CAPZB: variants seen among roughly 807,000 people sequenced by gnomAD.
CAPZB encodes the protein F-actin-capping protein subunit beta.
In CAPZB, 2 loss-of-function variants were observed where a neutral mutation model predicts 38.1. The observed-to-expected ratio is 0.05, with a 90% CI of 0.02 to 0.17. The LOEUF is 0.17. Among genes scored for constraint, CAPZB ranks in the 10% least tolerant of loss-of-function variants. The pLI, the probability that CAPZB is intolerant of heterozygous loss-of-function variation, is 1.00. For synonymous variants in CAPZB, 107 were observed against 127.4 expected (o/e 0.84, Z 1.08); for missense variants, 161 against 334.2 (o/e 0.48, Z 4.04).
At chr1:19,480,844 G>T (rs1000194079) in intron 1 of CAPZB, among the ~76,000 whole-genome samples, 1 of 152,208 alleles carries the variant, frequency 6.6e-6, no homozygotes, top group South Asian at 2.1e-4. Context: ...AGCAGCCATC[G>T]GCAGGCAGTA....
intron 2 of CAPZB, among the ~76,000 whole-genome samples, chr1:19,397,512 T>C (rs2094278115): frequency 6.6e-6 from 1 of 152,204 alleles, no homozygotes; most frequent in African/African-American, 2.4e-5. Context: ...GTGAGTAACC[T>C]AGCAGGCAAA....
At chr1:19,460,574 CTTTTTTTTTTT>C (rs35288971) in intron 1 of CAPZB, among the ~76,000 whole-genome samples, 1 of 90,982 alleles carries the variant, frequency 1.1e-5, no homozygotes. Flanking sequence ...TGTGCCCAGG[CTTTTTTTTTTT>C]TTTTTTTTTT....
chr1:19,357,432 A>G lies in CAPZB; in HGVS notation c.461T>C (p.Val154Ala). 6.2e-7 allele frequency: 1 copy of G among 1,613,772 alleles called. No individual in the cohort carries two copies. Among genetic ancestry groups the G allele is most frequent in the Non-Finnish European group, 8.5e-7 (1 of 1,179,952 alleles). Residue 154 changes from valine to alanine, a missense_variant, in exon 5 of 9, where the codon GTA becomes GCA. Physicochemically the swap from Val to Ala is moderately conservative, Grantham distance 64. Transcript: ENST00000264202. This position sits in a 1 kb window ranked among gnomAD's most constrained non-coding sequence, Gnocchi z 4.3. ...GCTGGGAGGCAGTACCTGCACTTCT[A>G]CCACGTGGATGGAATCCCAGCAGCC... ...IKGCWDSIHV[V>A]EVQEKSSGRT...
At chr1:19,347,484 G>GC (rs981052465) in intron 6 of CAPZB, among the ~76,000 whole-genome samples, 1 of 152,130 alleles carries the variant, frequency 6.6e-6, no homozygotes, top group Non-Finnish European at 1.5e-5. Flanking sequence ...CATTTCCACA[G>GC]CCCCCCACCC....
Position 19,474,290 on chromosome 1 carries a change from G to A in CAPZB, c.3+11146C>T, listed in dbSNP as rs143828179. 2.1e-3 allele frequency among the ~76,000 whole-genome samples: 321 copies of A among 152,174 alleles called. 2 individuals are homozygous for A. Among genetic ancestry groups the A allele is most frequent in the African/African-American group, 6.4e-3 (265 of 41,504 alleles). On this transcript the variant is annotated intron_variant, in intron 1 of 8. Coordinates refer to ENST00000264202, the MANE Select transcript of CAPZB (RefSeq NM_004930.5). ...GATTACAGGTGTGAACTACCTCACC[G>A]GGCCCTATTTACAGTATTCTTACTT...
At chr1:19,376,712 T>C (rs2094146402) in intron 4 of CAPZB, among the ~76,000 whole-genome samples, 1 of 152,210 alleles carries the variant, frequency 6.6e-6, no homozygotes, top group Non-Finnish European at 1.5e-5. Flanking sequence ...CACTGTTTGT[T>C]TTTCCACAAT....
intron 1 of CAPZB, among the ~76,000 whole-genome samples, chr1:19,432,208 C>T (rs995593197): frequency 6.6e-6 from 1 of 151,162 alleles, no homozygotes; most frequent in South Asian, 2.1e-4. Flanking sequence ...TTTGGGAGGT[C>T]GAGGTAGGCA....
chr1:19,369,941 G>A (rs949262390), intron 4 of CAPZB, among the ~76,000 whole-genome samples: 4 of 152,316 alleles, frequency 2.6e-5, no homozygotes, highest in Admixed American at 2.6e-4. Flanking sequence ...CAGAGCAAAG[G>A]AAGCAGCCCT....
chr1:19,431,323 A>C (rs1235375999), intron 1 of CAPZB, among the ~76,000 whole-genome samples: 1 of 152,242 alleles, frequency 6.6e-6, no homozygotes, highest in African/African-American at 2.4e-5. Flanking sequence ...AATCCAAAGA[A>C]GTCTCAAATC....
rs1387308617 is a variant in CAPZB, at chr1:19,356,554, C to G, written c.588+81G>C. ...GAACATGCTTACCCTAAATGGGGCA[C>G]CTGCTCACTCATCTCTGCAGGTCAG... is the stretch of plus-strand genomic sequence containing the variant. On this transcript the variant is annotated intron_variant, in intron 6 of 8. Coordinates refer to ENST00000264202, the MANE Select transcript of CAPZB (RefSeq NM_004930.5). The surrounding 1 kb of genome is among the most constrained non-coding windows in gnomAD (Gnocchi z 4.3). The G allele has an allele frequency of 1.1e-6, 1 of 888,404 alleles. No individual in the cohort carries two copies. Among genetic ancestry groups the G allele is most frequent in the Non-Finnish European group, 1.9e-6 (1 of 518,426 alleles). The allele number at this position is 888,404 out of a possible 1,614,324, so 55.0% of individuals were successfully genotyped here.
chr1:19,442,076 C>T (rs2094479225), intron 1 of CAPZB, among the ~76,000 whole-genome samples: 1 of 151,314 alleles, frequency 6.6e-6, no homozygotes, highest in Non-Finnish European at 1.5e-5. Context: ...GTGATAGCTC[C>T]AAATGCTGAA....
intron 6 of CAPZB, among the ~76,000 whole-genome samples, chr1:19,346,149 TG>T (rs2093959293): frequency 6.6e-6 from 1 of 152,130 alleles, no homozygotes; most frequent in Non-Finnish European, 1.5e-5. Flanking sequence ...ACAGGGTACC[TG>T]GAAGAGTGCT....
intron 2 of CAPZB, among the ~76,000 whole-genome samples, chr1:19,393,808 G>C (rs2094251336): frequency 6.6e-6 from 1 of 152,182 alleles, no homozygotes; most frequent in Admixed American, 6.5e-5. Flanking sequence ...GCCCACAGCA[G>C]ATCCGACATG....
intron 4 of CAPZB, among the ~76,000 whole-genome samples, chr1:19,360,399 C>T (rs576403681): frequency 5.3e-4 from 80 of 152,338 alleles, no homozygotes; most frequent in Non-Finnish European, 8.8e-4. Flanking sequence ...TCCTTCAGCC[C>T]TTCTGGAAAG....
intron 1 of CAPZB, among the ~76,000 whole-genome samples, chr1:19,471,428 C>T (rs2094586541): frequency 6.6e-6 from 1 of 152,202 alleles, no homozygotes; most frequent in Non-Finnish European, 1.5e-5. Flanking sequence ...CCTCTTGAAG[C>T]ACTCGGAGCA....
chr1:19,369,600 C>A (rs982367870), intron 4 of CAPZB, among the ~76,000 whole-genome samples: 1 of 152,226 alleles, frequency 6.6e-6, no homozygotes, highest in Non-Finnish European at 1.5e-5. Context: ...ATGCCAGAAG[C>A]CAGAGACGGC....
At chr1:19,347,459 G>A (rs1193603439) in intron 6 of CAPZB, among the ~76,000 whole-genome samples, 1 of 152,164 alleles carries the variant, frequency 6.6e-6, no homozygotes, top group Non-Finnish European at 1.5e-5. Context: ...GCCGATAGGG[G>A]TAGGGACCTG....
At chr1:19,484,174 T>C in intron 1 of CAPZB, 1 of 1,609,736 alleles carries the variant, frequency 6.2e-7, no homozygotes, top group Non-Finnish European at 8.5e-7. Context: ...GCACTCTCCC[T>C]AGGCGTTCTG....
At chr1:19,469,807 G>A (rs1367159637) in intron 1 of CAPZB, among the ~76,000 whole-genome samples, 1 of 150,610 alleles carries the variant, frequency 6.6e-6, no homozygotes, top group Admixed American at 6.6e-5. Flanking sequence ...GCAAGCAACA[G>A]AGAGCACAGT....
Sources: gnomAD v4.1 joint callset for allele counts (sites outside exome capture counted in the v4.1 genomes callset) on GRCh38, gnomAD v4.1.1 for gene constraint, Gnocchi (gnomAD v3.1) non-coding constraint, MANE v1.5 for transcripts, NCBI Gene and HGNC (gene_info 2026-07-23, HGNC 2026-07-21) for gene names.